AFF4: variants seen among roughly 807,000 people sequenced by gnomAD.
The protein encoded by AFF4 is AF4/FMR2 family member 4.
Under a neutral mutation model 124.8 loss-of-function variants are expected in AFF4, and 13 were observed. The observed-to-expected ratio is 0.10, with a 90% CI of 0.07 to 0.17. AFF4 has a LOEUF of 0.17. Among genes scored for constraint, AFF4 ranks in the 10% least tolerant of loss-of-function variants. The pLI is 1.00. For synonymous variants in AFF4, 477 were observed against 496.1 expected (o/e 0.96, Z 0.51); for missense variants, 1,092 against 1,403.8 (o/e 0.78, Z 3.55).
intron 9 of AFF4, 78 bp downstream of exon 9, chr5:132,899,026 G>T (rs1760481855): frequency 8.0e-7 from 1 of 1,250,016 alleles, no homozygotes; most frequent in East Asian, 2.3e-5. Context: ...TACTTATAAG[G>T]CCACTTATTA....
chr5:132,901,816 A>C (rs1760559337), intron 7 of AFF4, among the ~76,000 whole-genome samples: 1 of 152,202 alleles, frequency 6.6e-6, no homozygotes, highest in Non-Finnish European at 1.5e-5. Flanking sequence ...AAAAACCATG[A>C]TCTCAGAGCA....
chr5:132,911,818 C>T (rs1462772469), intron 5 of AFF4, among the ~76,000 whole-genome samples: 6 of 136,680 alleles, frequency 4.4e-5, no homozygotes, highest in Non-Finnish European at 6.4e-5. Flanking sequence ...AGATTAAAAG[C>T]AATGATTAAA....
At chr5:132,913,148 T>G (rs1416474470) in intron 5 of AFF4, among the ~76,000 whole-genome samples, 1 of 152,158 alleles carries the variant, frequency 6.6e-6, no homozygotes, top group Non-Finnish European at 1.5e-5. Flanking sequence ...CTGATCATAT[T>G]AATATAAAAG....
chr5:132,889,014 G>A, intron 14 of AFF4, 65 bp downstream of exon 14: 1 of 1,466,240 alleles, frequency 6.8e-7, no homozygotes, highest in Non-Finnish European at 9.5e-7. Flanking sequence ...AAATGAAAAT[G>A]AGTTTCTTAT....
chr5:132,929,974 A>G (rs767885486), intron 4 of AFF4, among the ~76,000 whole-genome samples: 10 of 152,210 alleles, frequency 6.6e-5, no homozygotes, highest in Non-Finnish European at 1.5e-4. Flanking sequence ...CAAAAATTTT[A>G]AAGTCTACAT....
rs1581310039 is a variant in AFF4, at chr5:132,925,073, G to C, written c.1050+2048C>G. On this transcript the variant is annotated intron_variant, in intron 5 of 20. Coordinates refer to ENST00000265343, the MANE Select transcript of AFF4 (RefSeq NM_014423.4). ...ACCTGTAGTCCCAGCTACTCGGGAG[G>C]CTGAGACAGGAGAATCGCTTGAACC... Among the ~76,000 whole-genome samples the C allele has an allele frequency of 5.3e-5, 8 of 152,106 alleles. No homozygotes were observed. The South Asian group carries it at 1.7e-3, about 32-fold the overall frequency.
At chr5:132,940,580 G>T (rs1351282544) in intron 1 of AFF4, among the ~76,000 whole-genome samples, 1 of 152,288 alleles carries the variant, frequency 6.6e-6, no homozygotes, top group African/African-American at 2.4e-5. Flanking sequence ...AATCATTCAA[G>T]AAGTATTTCT....
chr5:132,959,782 T>TG (rs1762041940), intron 1 of AFF4, among the ~76,000 whole-genome samples: 1 of 141,464 alleles, frequency 7.1e-6, no homozygotes, highest in Non-Finnish European at 1.6e-5. Context: ...TTTTTTTTTT[T>TG]GAGACGGAGT....
chr5:132,886,365 T>C lies in AFF4; in HGVS notation c.3044A>G (p.Lys1015Arg), dbSNP rs755081153. ...CESLLYLRLF[K>R]LKKENALKYS... is the part of the protein sequence containing the mutation. The stretch of plus-strand genomic sequence containing the variant: ...CTTCAGAGCATTTTCCTTCTTCAGT[T>C]TGAACAGCCTCAGGTACAGCAAAGA... Residue 1015 changes from lysine (K) to arginine (R), a missense_variant, in exon 18 of 21, where the codon AAA becomes AGA. Transcript: ENST00000265343. 1.6e-5 allele frequency: 26 copies of C among 1,614,060 alleles called. 1 individual carries two copies. The highest frequency in any genetic ancestry group is 9.9e-5 in the South Asian group (9 of 91,076).
rs1760411865 is a variant in AFF4, at chr5:132,896,769, G to A, written c.1861C>T (p.Pro621Ser). The A allele has an allele frequency of 6.2e-7, 1 of 1,613,996 alleles. No individual in the cohort carries two copies. Among genetic ancestry groups the A allele is most frequent in the African/African-American group, 1.3e-5 (1 of 74,906 alleles). The change falls in exon 11 of 21, where the codon CCT becomes TCT. Residue 621 changes from proline (P) to serine (S), a missense_variant. Physicochemically the swap from Pro to Ser is moderately conservative, Grantham distance 74 (BLOSUM62 -1). This residue lies in a region of AFF4 where 174 missense variants were observed against 205.9 expected (regional missense o/e 0.84). Transcript: ENST00000265343. ...PNIKKESKSS[P>S]RPTAEKKKYK... ...TTCTTTTTCTCTGCTGTAGGTCGAGGGGAAGACTTAGACTCCTTCTTTATA... is the reference window on the plus strand; with the variant it reads ...TTCTTTTTCTCTGCTGTAGGTCGAGAGGAAGACTTAGACTCCTTCTTTATA...
intron 5 of AFF4, among the ~76,000 whole-genome samples, chr5:132,912,045 A>G (rs901089222): frequency 6.6e-6 from 1 of 151,856 alleles, no homozygotes; most frequent in Non-Finnish European, 1.5e-5. Flanking sequence ...AATATTAAAG[A>G]AAGTCCTCCA....
intron 1 of AFF4, among the ~76,000 whole-genome samples, chr5:132,954,869 T>C (rs538228758): frequency 3.3e-5 from 5 of 152,196 alleles, no homozygotes; most frequent in African/African-American, 4.8e-5. Context: ...TTTTATCATT[T>C]GCTGTCCACG....
rs144041953 is a variant in AFF4, at chr5:132,882,823, C to T, written c.3364+517G>A. ...GAGTCGAGATCGTGCCACTGTGCTC[C>T]AGCCTGGGCAACAAAAGCGAAACTC... On this transcript the variant is annotated intron_variant, in intron 20 of 20. Transcript: ENST00000265343. Among the ~76,000 whole-genome samples the T allele has an allele frequency of 1.0e-2, 1,387 of 139,094 alleles. 17 individuals carry two copies. The highest frequency in any genetic ancestry group is 0.032 in the African/African-American group (1,183 of 36,926). The allele number at this position is 139,094 out of a possible 152,430, so 91.3% of individuals were successfully genotyped here. A position where few individuals can be genotyped will look rare whatever the true frequency, so the allele number is the denominator to read the frequency against.
At chr5:132,916,427 G>A (rs1168246866) in intron 5 of AFF4, among the ~76,000 whole-genome samples, 3 of 151,636 alleles carry the variant, frequency 2.0e-5, no homozygotes. Context: ...ATCAAGAGTT[G>A]CTTAAGCACA....
At chr5:132,912,206 G>C (rs900326852) in intron 5 of AFF4, among the ~76,000 whole-genome samples, 1 of 151,120 alleles carries the variant, frequency 6.6e-6, no homozygotes, top group African/African-American at 2.4e-5. Context: ...TTAGCAGGGC[G>C]TGGTGGCAGG....
intron 5 of AFF4, among the ~76,000 whole-genome samples, chr5:132,918,274 T>A (rs1479355456): frequency 6.6e-6 from 1 of 151,898 alleles, no homozygotes; most frequent in Non-Finnish European, 1.5e-5. Context: ...TGGTCTGTAA[T>A]CCCACCTACT....
At chr5:132,912,764 G>A (rs985696998) in intron 5 of AFF4, among the ~76,000 whole-genome samples, 13 of 151,892 alleles carry the variant, frequency 8.6e-5, no homozygotes, top group South Asian at 4.2e-4. Flanking sequence ...ATTCTACGAC[G>A]GGAGAAATGC....
chr5:132,908,774 ATAT>A (rs67215380), intron 5 of AFF4, among the ~76,000 whole-genome samples: 13,287 of 122,094 alleles, frequency 0.11, 732 homozygotes, highest in Middle Eastern at 0.16. Flanking sequence ...ATATATATAT[ATAT>A]TTTTTTTTTT....
chr5:132,892,790 C>G (rs1760296003), intron 12 of AFF4, among the ~76,000 whole-genome samples: 1 of 152,080 alleles, frequency 6.6e-6, no homozygotes, highest in Non-Finnish European at 1.5e-5. Flanking sequence ...TAATTCTCCC[C>G]CCATACTCAC....
Sources: allele counts gnomAD v4.1 joint callset (sites outside exome capture counted in the v4.1 genomes callset), GRCh38; gene constraint gnomAD v4.1.1; regional missense constraint gnomAD v4.1.1; transcripts MANE v1.5; gene names NCBI Gene and HGNC (gene_info 2026-07-23, HGNC 2026-07-21).